FOXP1: variants seen among roughly 807,000 people sequenced by gnomAD.
The protein encoded by FOXP1 is forkhead box protein P1.
In FOXP1, 15 loss-of-function variants were observed where a neutral mutation model predicts 98.2. That is an observed-to-expected ratio of 0.15 (90% CI 0.10 to 0.24). FOXP1 has a LOEUF of 0.24. Among genes scored for constraint, FOXP1 ranks in the 10% least tolerant of loss-of-function variants. The pLI, the probability that FOXP1 is intolerant of heterozygous loss-of-function variation, is 1.00. For missense variants in FOXP1, 633 were observed against 848.5 expected (o/e 0.75, Z 3.15); for synonymous variants, 371 against 314.5 (o/e 1.18, Z -1.90).
intron 7 of FOXP1, among the ~76,000 whole-genome samples, chr3:71,090,026 C>T (rs928176304): frequency 6.6e-6 from 1 of 152,052 alleles, no homozygotes; most frequent in Non-Finnish European, 1.5e-5. Flanking sequence ...TGGGAAATCT[C>T]CAGATTTTTT....
chr3:71,297,902 T>A (rs1470065722), intron 5 of FOXP1, among the ~76,000 whole-genome samples: 2 of 152,096 alleles, frequency 1.3e-5, no homozygotes, highest in Non-Finnish European at 2.9e-5. Flanking sequence ...CCACCATGCC[T>A]GGCCTGTTTA....
At chr3:71,116,202 G>C (rs539942520) in intron 6 of FOXP1, among the ~76,000 whole-genome samples, 20 of 152,240 alleles carry the variant, frequency 1.3e-4, no homozygotes, top group African/African-American at 4.6e-4. Context: ...TGGTTTGAAG[G>C]GGGTAAAAAA....
At chr3:71,267,842 AC>A (rs1218431783) in intron 5 of FOXP1, among the ~76,000 whole-genome samples, 2 of 151,504 alleles carry the variant, frequency 1.3e-5, no homozygotes, top group Non-Finnish European at 2.9e-5. Context: ...ATATGGTGAA[AC>A]CCTGTCTCTA....
intron 5 of FOXP1, among the ~76,000 whole-genome samples, chr3:71,271,785 C>G (rs1057466551): frequency 6.6e-6 from 1 of 152,162 alleles, no homozygotes; most frequent in African/African-American, 2.4e-5. Context: ...GAGGAAAAAC[C>G]TTACAGGGAG....
chr3:71,092,565 T>G (rs1448353948), intron 7 of FOXP1, among the ~76,000 whole-genome samples: 4 of 152,128 alleles, frequency 2.6e-5, no homozygotes, highest in African/African-American at 9.7e-5. Flanking sequence ...GGAAGGAAAC[T>G]TTCAGAGGAA....
chr3:71,522,836 T>G (rs1245401593), intron 2 of FOXP1, among the ~76,000 whole-genome samples: 1 of 152,182 alleles, frequency 6.6e-6, no homozygotes, highest in Non-Finnish European at 1.5e-5. Flanking sequence ...AGAGAGACAC[T>G]GCCATGTCTC....
intron 3 of FOXP1, among the ~76,000 whole-genome samples, chr3:71,492,408 CGCCACTGCACTCCA>C (rs2091127823): frequency 6.6e-6 from 1 of 150,870 alleles, no homozygotes; most frequent in East Asian, 1.9e-4. Flanking sequence ...GCCGAGATCG[CGCCACTGCACTCCA>C]GCCTGGAACA....
At chr3:71,029,213 C>G (rs1283291841) in intron 11 of FOXP1, among the ~76,000 whole-genome samples, 2 of 152,162 alleles carry the variant, frequency 1.3e-5, no homozygotes, top group African/African-American at 4.8e-5. Context: ...TTCATGTAGT[C>G]TCTGCAATGA....
At chr3:70,967,916 A>AT (rs1378249708) in intron 19 of FOXP1, among the ~76,000 whole-genome samples, 1 of 151,926 alleles carries the variant, frequency 6.6e-6, no homozygotes, top group African/African-American at 2.4e-5. Context: ...TAGCTTAATT[A>AT]TTTTAGCAGC....
At chr3:71,264,505 A>T (rs565234578) in intron 5 of FOXP1, among the ~76,000 whole-genome samples, 1 of 152,328 alleles carries the variant, frequency 6.6e-6, no homozygotes, top group Middle Eastern at 3.4e-3. Context: ...GTTTTAGAGA[A>T]ATTAGTTCAA....
intron 3 of FOXP1, among the ~76,000 whole-genome samples, chr3:71,414,267 T>C (rs1457803064): frequency 6.6e-6 from 1 of 152,200 alleles, no homozygotes; most frequent in Non-Finnish European, 1.5e-5. Context: ...CCAGCCGTCA[T>C]AAAGAATCCA....
chr3:70,992,125 A>G (rs545611083), intron 13 of FOXP1, among the ~76,000 whole-genome samples: 1 of 152,186 alleles, frequency 6.6e-6, no homozygotes, highest in African/African-American at 2.4e-5. Flanking sequence ...TCTCACCTAA[A>G]CATGCTGGAG....
At chr3:71,319,953 C>G (rs991260743) in intron 4 of FOXP1, among the ~76,000 whole-genome samples, 1 of 152,152 alleles carries the variant, frequency 6.6e-6, no homozygotes, top group Non-Finnish European at 1.5e-5. Flanking sequence ...GACATCCACT[C>G]CATTCTCTTT....
chr3:71,156,965 G>A (rs766651341), intron 6 of FOXP1, among the ~76,000 whole-genome samples: 1 of 152,182 alleles, frequency 6.6e-6, no homozygotes. Flanking sequence ...TCCTGACCAC[G>A]AGGTGACTAA....
At chr3:71,410,799 G>A (rs2082672984) in intron 3 of FOXP1, among the ~76,000 whole-genome samples, 1 of 152,134 alleles carries the variant, frequency 6.6e-6, no homozygotes, top group African/African-American at 2.4e-5. Context: ...TCATATTTCT[G>A]TCCTTTGCAT....
In FOXP1 at chr3:70,956,227, T is replaced by TATGTA. The variant is rs1559548496; in HGVS notation, c.*3019_*3020insTACAT. The TATGTA allele has an allele frequency of 8.6e-6, 2 of 233,276 alleles. No homozygotes were observed. Among genetic ancestry groups the TATGTA allele is most frequent in the African/African-American group, 2.2e-5 (1 of 45,274 alleles). 14.5% of individuals were successfully genotyped at this position (233,276 alleles called of 1,614,324 possible). A position where few individuals can be genotyped will look rare whatever the true frequency, so the allele number is the denominator to read the frequency against. ...AAAGACAAAGATTCACACAGACACA[T>TATGTA]CGGGATATATGTACAACGTAATAAA... On this transcript the variant is annotated 3_prime_UTR_variant, in exon 21 of 21. Coordinates refer to ENST00000649528, the MANE Select transcript of FOXP1 (RefSeq NM_001349338.3).
At chr3:71,422,488 G>A (rs2083738159) in intron 3 of FOXP1, among the ~76,000 whole-genome samples, 1 of 152,176 alleles carries the variant, frequency 6.6e-6, no homozygotes, top group African/African-American at 2.4e-5. Context: ...AGCAGTGAGG[G>A]CATGGGGTCC....
intron 6 of FOXP1, among the ~76,000 whole-genome samples, chr3:71,195,830 T>C (rs761266824): frequency 9.9e-5 from 15 of 152,230 alleles, no homozygotes; most frequent in Non-Finnish European, 1.8e-4. Flanking sequence ...AAAACAACCA[T>C]AGTCCATTGT....
chr3:71,387,463 ATTTC>A (rs2080679657), intron 3 of FOXP1, among the ~76,000 whole-genome samples: 2 of 152,212 alleles, frequency 1.3e-5, no homozygotes, highest in East Asian at 1.9e-4. Flanking sequence ...CTAAAATTGT[ATTTC>A]TTTCTCTTTC....
Sources: gnomAD v4.1 joint callset for allele counts (sites outside exome capture counted in the v4.1 genomes callset) on GRCh38, gnomAD v4.1.1 for gene constraint, MANE v1.5 for transcripts, NCBI Gene and HGNC (gene_info 2026-07-23, HGNC 2026-07-21) for gene names.